The following SMAGP variants were observed in gnomAD, a reference collection of about 807,000 sequenced individuals.
SMAGP encodes small cell transmembrane and glycosylated protein.
SMAGP carries 7 observed loss-of-function variants against 10.1 expected under a neutral mutation model. That is an observed-to-expected ratio of 0.70 (90% CI 0.40 to 1.31). The LOEUF (loss-of-function observed/expected upper bound fraction) is 1.31, where lower values mean the gene tolerates loss of function less well. SMAGP is among the 50% of genes most tolerant of loss of function. The pLI, the probability that SMAGP is intolerant of heterozygous loss-of-function variation, is 0.01. For synonymous variants in SMAGP, 49 were observed against 47.2 expected, an observed-to-expected ratio of 1.04 and a Z score of -0.16; for missense variants, 113 against 116.5, an observed-to-expected ratio of 0.97 and a Z score of 0.14.
At chr12:51,248,916 A>C (rs1358417947) in intron 2 of SMAGP, among the ~76,000 whole-genome samples, 2 of 146,448 alleles carry the variant, frequency 1.4e-5, no homozygotes, top group Non-Finnish European at 1.5e-5. Context: ...AAAAAAAAAA[A>C]AAAAAAAAAA....
intron 2 of SMAGP, 101 bp downstream of exon 2, chr12:51,269,144 G>T: frequency 7.8e-7 from 1 of 1,289,754 alleles, no homozygotes; most frequent in African/African-American, 1.5e-5. Flanking sequence ...GCAGAGAGAG[G>T]TGGGAGTCTT....
intron 2 of SMAGP, among the ~76,000 whole-genome samples, chr12:51,249,114 T>A (rs1465744299): frequency 1.3e-5 from 2 of 151,760 alleles, no homozygotes; most frequent in East Asian, 3.9e-4. Flanking sequence ...CAAAAACAAC[T>A]AGCTGAACAT....
At chr12:51,265,374 C>G (rs764834583) in intron 2 of SMAGP, among the ~76,000 whole-genome samples, 1 of 152,176 alleles carries the variant, frequency 6.6e-6, no homozygotes, top group Non-Finnish European at 1.5e-5. Flanking sequence ...GAGCATACAT[C>G]CCAAACAACT....
chr12:51,264,317 A>G (rs559317276), intron 2 of SMAGP, among the ~76,000 whole-genome samples: 1 of 152,346 alleles, frequency 6.6e-6, no homozygotes, highest in African/African-American at 2.4e-5. Flanking sequence ...CTAAATCACT[A>G]CTTCACTCAT....
intron 2 of SMAGP, among the ~76,000 whole-genome samples, chr12:51,248,073 G>A (rs975530834): frequency 3.3e-5 from 5 of 152,142 alleles, no homozygotes; most frequent in African/African-American, 1.2e-4. Context: ...AAAGGCCAGC[G>A]TGGCCCGAGC....
At chr12:51,255,629 C>T (rs1250820812) in intron 2 of SMAGP, among the ~76,000 whole-genome samples, 2 of 152,164 alleles carry the variant, frequency 1.3e-5, no homozygotes, top group Non-Finnish European at 2.9e-5. Flanking sequence ...AGCAGCAATA[C>T]ATGATTGAAA....
chr12:51,248,109 G>A (rs897196211), intron 2 of SMAGP, among the ~76,000 whole-genome samples: 1 of 145,016 alleles, frequency 6.9e-6, no homozygotes, highest in Non-Finnish European at 1.5e-5. Context: ...CTCCCGTCCA[G>A]TGCCTGACAC....
chr12:51,267,953 G>A (rs1178614959), intron 2 of SMAGP, among the ~76,000 whole-genome samples: 1 of 152,208 alleles, frequency 6.6e-6, no homozygotes, highest in Non-Finnish European at 1.5e-5. Context: ...ATGTGACTGT[G>A]TATAGGAAGA....
intron 2 of SMAGP, among the ~76,000 whole-genome samples, chr12:51,261,308 G>C (rs1944930006): frequency 6.6e-6 from 1 of 151,916 alleles, no homozygotes; most frequent in Non-Finnish European, 1.5e-5. Flanking sequence ...TGTTGGCCAG[G>C]CTGGTCTCGA....
intron 2 of SMAGP, among the ~76,000 whole-genome samples, chr12:51,263,444 A>C (rs1196899830): frequency 2.0e-5 from 3 of 152,050 alleles, no homozygotes; most frequent in African/African-American, 7.2e-5. Flanking sequence ...TTCCTTCCGT[A>C]AAATGAGACT....
At position 51,245,979 on chromosome 12, in the gene SMAGP, A is replaced by G. The variant is rs747564433; in HGVS notation, c.256T>C (p.Leu86=). The change falls in exon 4 of 4, where the codon TTG becomes CTG. Residue 86 remains leucine (L), a synonymous_variant. Transcript: ENST00000603798. ...PSAIVQMESD[L]AKGSEKEEYF... ...TCCTCTTTCTCGCTGCCCTTGGCCA[A>G]GTCACTCTCCATCTGGACGATGGCA... 1 of 1,613,942 alleles carries G rather than the reference A, an allele frequency of 6.2e-7. No homozygotes were observed.
chr12:51,258,128 T>C (rs552032303), intron 2 of SMAGP, among the ~76,000 whole-genome samples: 4 of 152,256 alleles, frequency 2.6e-5, no homozygotes, highest in Admixed American at 2.0e-4. Flanking sequence ...GATTGTGCCA[T>C]AGCACTCCAG....
chr12:51,251,944 A>T (rs2137298923), intron 2 of SMAGP, among the ~76,000 whole-genome samples: 1 of 152,334 alleles, frequency 6.6e-6, no homozygotes, highest in East Asian at 1.9e-4. Flanking sequence ...TTAAGAAAAA[A>T]ATTCTACAGA....
At chr12:51,265,722 G>A (rs1592237953) in intron 2 of SMAGP, among the ~76,000 whole-genome samples, 1 of 152,252 alleles carries the variant, frequency 6.6e-6, no homozygotes, top group Admixed American at 6.5e-5. Flanking sequence ...AGTGTTTAAT[G>A]GGTGTCAAGT....
chr12:51,253,831 G>A (rs746047976), intron 2 of SMAGP, among the ~76,000 whole-genome samples: 15 of 152,078 alleles, frequency 9.9e-5, no homozygotes, highest in Non-Finnish European at 1.9e-4. Context: ...ACTTGAACCC[G>A]GGAGGTAGAG....
intron 2 of SMAGP, among the ~76,000 whole-genome samples, chr12:51,252,707 G>C (rs1944850536): frequency 6.6e-6 from 1 of 151,270 alleles, no homozygotes; most frequent in Non-Finnish European, 1.5e-5. Flanking sequence ...AATTTAAAAA[G>C]CATTATATTT....
chr12:51,260,206 CTTTTTTTTTTTTTT>C (rs1274632737), intron 2 of SMAGP, among the ~76,000 whole-genome samples: 3 of 104,910 alleles, frequency 2.9e-5, no homozygotes, highest in East Asian at 2.8e-4. Context: ...GTCATGGTTT[CTTTTTTTTTTTTTT>C]TTTTTTTTTG....
At chr12:51,262,307 C>T (rs7311434) in intron 2 of SMAGP, among the ~76,000 whole-genome samples, 100,342 of 151,632 alleles carry the variant, frequency 0.66, 37,353 homozygotes, top group Non-Finnish European at 0.85. Context: ...TGGCAAAACC[C>T]TGTCTCTACA....
chr12:51,268,431 C>CT, intron 2 of SMAGP, among the ~76,000 whole-genome samples: 1 of 152,246 alleles, frequency 6.6e-6, no homozygotes. Context: ...AATGATTTCC[C>CT]TGTTATCTTT....
Sources: allele counts gnomAD v4.1 joint callset (sites outside exome capture counted in the v4.1 genomes callset), GRCh38; gene constraint gnomAD v4.1.1; transcripts MANE v1.5; gene names NCBI Gene and HGNC (gene_info 2026-07-23, HGNC 2026-07-21).